PSG7: variants seen among roughly 807,000 people sequenced by gnomAD.
PSG7 encodes the protein pregnancy-specific beta-1-glycoprotein 7.
A neutral mutation model predicts 45.6 loss-of-function variants in PSG7; 57 were observed. The ratio of observed to expected loss-of-function variants is 1.25; its 90% CI spans 1.01 to 1.56. The LOEUF (loss-of-function observed/expected upper bound fraction) is 1.56, where lower values mean the gene tolerates loss of function less well. Among genes scored for constraint, PSG7 ranks in the 40% most tolerant of loss-of-function variants. The pLI is 0.00. For missense variants in PSG7, 796 were observed against 508.4 expected, an observed-to-expected ratio of 1.57 and a Z score of -5.44; for synonymous variants, 298 against 194.4, an observed-to-expected ratio of 1.53 and a Z score of -4.43.
Position 42,924,256 on chromosome 19 carries a change from A to C in PSG7, c.*552T>G, listed in dbSNP as rs529849595. 3.1e-5 allele frequency: 8 copies of C among 258,082 alleles called. No individual in the cohort carries two copies. In the South Asian group the frequency reaches 1.3e-3, roughly 41 times the overall value. 16.0% of individuals were successfully genotyped at this position (258,082 alleles called of 1,614,324 possible). On this transcript the variant is annotated 3_prime_UTR_variant, in exon 6 of 6. Coordinates refer to ENST00000406070, the MANE Select transcript of PSG7 (RefSeq NM_002783.3). Reference sequence around the variant, plus strand: ...TGCATTTAAAGGGGAGTCTACTATAATTTCAGCTTTCCTACTCTTTATAGA... The same window carrying C: ...TGCATTTAAAGGGGAGTCTACTATACTTTCAGCTTTCCTACTCTTTATAGA...
rs528072036 is a variant in PSG7 at position 42,933,839 on chromosome 19, G to A, written c.430+1565C>T. 4.0e-5 allele frequency among the ~76,000 whole-genome samples: 6 copies of A among 151,168 alleles called. No individual in the cohort carries two copies. The South Asian group carries it at 6.4e-4, about 16-fold the overall frequency. On this transcript the variant is annotated intron_variant, in intron 2 of 5. Transcript: ENST00000406070. ...GACCAAGGAGCCCTGAGAACCCTCCGTGGCCAAAGAGCTTCAGAGTTACAT... is the reference window on the plus strand; with the variant it reads ...GACCAAGGAGCCCTGAGAACCCTCCATGGCCAAAGAGCTTCAGAGTTACAT...
chr19:42,925,432 A>G (rs933038095), intron 5 of PSG7: 2 of 553,086 alleles, frequency 3.6e-6, no homozygotes, highest in African/African-American at 3.8e-5. Context: ...GAGATAGATT[A>G]AAAGACAAAT....
At chr19:42,925,167 C>T in intron 5 of PSG7, 1 of 385,072 alleles carries the variant, frequency 2.6e-6, no homozygotes, top group East Asian at 5.3e-5. Context: ...GCCTGCAGTT[C>T]ATACTGGTTC....
chr19:42,933,291 A>ATTTT (rs1448066448), intron 2 of PSG7, among the ~76,000 whole-genome samples: 1 of 9,706 alleles, frequency 1.0e-4, no homozygotes, highest in African/African-American at 3.1e-4. Context: ...ATATATATAT[A>ATTTT]TATATATATA....
chr19:42,929,266 T>A, intron 3 of PSG7, 176 bp downstream of exon 3: 1 of 1,411,014 alleles, frequency 7.1e-7, no homozygotes, highest in South Asian at 1.4e-5. Flanking sequence ...TTTTCTCTTA[T>A]TGTGGATCAA....
rs2122696866 is a variant in PSG7 at position 42,934,393 on chromosome 19, A to G, written c.430+1011T>C. 1.3e-5 allele frequency among the ~76,000 whole-genome samples: 2 copies of G among 151,228 alleles called. 1 individual carries two copies. Among genetic ancestry groups the G allele is most frequent in the South Asian group, 4.2e-4 (2 of 4,726 alleles). On this transcript the variant is annotated intron_variant, in intron 2 of 5. Coordinates refer to ENST00000406070, the MANE Select transcript of PSG7 (RefSeq NM_002783.3). Reference sequence around the variant, plus strand: ...TAAGCCCTCACTTCTGGTGGAGGAGAGGATGGGCCTGTGGCTGCAGACAGA... The same window carrying G: ...TAAGCCCTCACTTCTGGTGGAGGAGGGGATGGGCCTGTGGCTGCAGACAGA...
At chr19:42,933,307 A>ATATATATATATATATTTTTTTTT (rs56691588) in intron 2 of PSG7, among the ~76,000 whole-genome samples, 2 of 13,506 alleles carry the variant, frequency 1.5e-4, no homozygotes, top group African/African-American at 1.7e-4. Context: ...ATATATATAT[A>ATATATATATATATATTTTTTTTT]TTTTTTTTTT....
chr19:42,924,995 A>G (rs1972494456), intron 5 of PSG7, 171 bp from the exon 6 acceptor site: 1 of 634,642 alleles, frequency 1.6e-6, no homozygotes, highest in Admixed American at 2.4e-5. Flanking sequence ...GTTTCTTCAA[A>G]CTTGGTCTGA....
chr19:42,927,303 G>T (rs1972916506), intron 3 of PSG7: 1 of 158,110 alleles, frequency 6.3e-6, no homozygotes, highest in South Asian at 1.9e-4. Context: ...GAGGCTCAAG[G>T]TGGGGCAGTT....
rs193095918 is a variant in PSG7 at position 42,929,666 on chromosome 19, G to A, written c.485C>T (p.Thr162Met). 5.4e-5 allele frequency: 87 copies of A among 1,612,414 alleles called. 4 individuals carry two copies. The highest frequency in any genetic ancestry group is 3.3e-4 in the Middle Eastern group (2 of 6,062). ...SSSNFNPREA[T>M]EAVILTCDPE... ...ATCACAGGTTAAAATCACAGCCTCCGTGGCCTCCCTGGGGTTGAAATTGCT... is the reference window on the plus strand; with the variant it reads ...ATCACAGGTTAAAATCACAGCCTCCATGGCCTCCCTGGGGTTGAAATTGCT... Residue 162 changes from threonine to methionine, a missense_variant, in exon 3 of 6, where the codon ACG (threonine) becomes ATG (methionine). Thr to Met is a moderately conservative substitution (Grantham distance 81). Transcript: ENST00000406070.
At position 42,926,075 on chromosome 19, in the gene PSG7, G is replaced by A. The variant is rs757202469; in HGVS notation, c.989-48C>T. On this transcript the variant is annotated intron_variant, in intron 4 of 5. Coordinates refer to ENST00000406070, the MANE Select transcript of PSG7 (RefSeq NM_002783.3). ...ACAGGTGATGTTATCCGAGGGAAGG[G>A]GATGCTCCTGGTCTCTTAAAGGGAC... 3.8e-6 allele frequency: 6 copies of A among 1,597,330 alleles called. No homozygotes were observed. In the South Asian group the frequency reaches 5.7e-5, roughly 15 times the overall value.
chr19:42,926,571 C>T lies in PSG7; in HGVS notation c.855G>A (p.Arg285=), dbSNP rs770686516. The change falls in exon 4 of 6, where the codon AGG becomes AGA. Residue 285 remains arginine, a synonymous_variant. Transcript: ENST00000406070. ...LNGQSLPVSP[R]VKRRIENRIL... is the part of the protein sequence containing the mutation. ...TCCTGTTTTCAATGCGTCGCTTTAC[C>T]CTGGGACTGACCGGGAGGCTCTGAC... 3.1e-6 allele frequency: 5 copies of T among 1,610,326 alleles called. 1 individual carries two copies. The South Asian group carries it at 3.3e-5, about 11-fold the overall frequency.
chr19:42,924,768 G>T lies in PSG7; in HGVS notation c.*40C>A, dbSNP rs747965836. On this transcript the variant is annotated 3_prime_UTR_variant, in exon 6 of 6. Coordinates refer to ENST00000406070, the MANE Select transcript of PSG7 (RefSeq NM_002783.3). ...AACAGAGTGGGTCTTGCTCTTTGAGGTTCCATGGGAGAAGATGGAATTGGA... is the reference window on the plus strand; with the variant it reads ...AACAGAGTGGGTCTTGCTCTTTGAGTTTCCATGGGAGAAGATGGAATTGGA... 1.0e-5 allele frequency: 8 copies of T among 767,858 alleles called. No individual in the cohort carries two copies. In the East Asian group the frequency reaches 1.2e-4, roughly 12 times the overall value. 47.6% of individuals were successfully genotyped at this position (767,858 alleles called of 1,614,324 possible). A position where few individuals can be genotyped will look rare whatever the true frequency, so the allele number is the denominator to read the frequency against.
At chr19:42,927,784 G>C (rs1289418656) in intron 3 of PSG7, among the ~76,000 whole-genome samples, 2 of 151,578 alleles carry the variant, frequency 1.3e-5, no homozygotes. Context: ...ATCAGAAGTT[G>C]TTCATGGGTG....
At chr19:42,929,070 T>C (rs755652512) in intron 3 of PSG7, 34 of 311,130 alleles carry the variant, frequency 1.1e-4, no homozygotes, top group Non-Finnish European at 1.6e-4. Context: ...ATGTCACAGG[T>C]GATATTGTCA....
chr19:42,935,055 G>A (rs1286161360), intron 2 of PSG7, among the ~76,000 whole-genome samples: 1 of 151,572 alleles, frequency 6.6e-6, no homozygotes, highest in African/African-American at 2.4e-5. Context: ...GAGGGTCTCA[G>A]GGGGCCCCTC....
At chr19:42,933,305 ATAT>A (rs1555745221) in intron 2 of PSG7, among the ~76,000 whole-genome samples, 55 of 13,716 alleles carry the variant, frequency 4.0e-3, no homozygotes, top group African/African-American at 7.7e-3. Context: ...ATATATATAT[ATAT>A]TTTTTTTTTT....
At chr19:42,927,841 A>C (rs933890753) in intron 3 of PSG7, among the ~76,000 whole-genome samples, 5 of 151,642 alleles carry the variant, frequency 3.3e-5, no homozygotes, top group Admixed American at 3.3e-4. Flanking sequence ...GATCTGCTGT[A>C]GAGCTTGATG....
At chr19:42,925,097 ATTAAACC>A in intron 5 of PSG7, 1 of 502,660 alleles carries the variant, frequency 2.0e-6, no homozygotes, top group East Asian at 3.3e-5. Context: ...GGAATCTCAG[ATTAAACC>A]TTTACAAAAC....
Sources: gnomAD v4.1 joint callset for allele counts (sites outside exome capture counted in the v4.1 genomes callset) on GRCh38, gnomAD v4.1.1 for gene constraint, MANE v1.5 for transcripts, NCBI Gene and HGNC (gene_info 2026-07-23, HGNC 2026-07-21) for gene names.